Variants in CPNE4 observed in about 807,000 individuals in gnomAD.
CPNE4 encodes the protein copine 4, also known as copine-4.
CPNE4 carries 25 observed loss-of-function variants against 67.9 expected under a neutral mutation model. The observed-to-expected ratio is 0.37, with a 90% CI of 0.27 to 0.51. The LOEUF is 0.51. CPNE4 is among the 20% of genes least tolerant of loss of function. The pLI, the probability that CPNE4 is intolerant of heterozygous loss-of-function variation, is 0.93. For missense variants in CPNE4, 464 were observed against 690.8 expected (o/e 0.67, Z 3.68); for synonymous variants, 242 against 244.9 (o/e 0.99, Z 0.11).
At chr3:131,731,007 A>G (rs937594795) in intron 2 of CPNE4, among the ~76,000 whole-genome samples, 6 of 152,294 alleles carry the variant, frequency 3.9e-5, no homozygotes, top group South Asian at 4.1e-4. Context: ...TCTCCAAAAA[A>G]GCACTCTTCA....
Position 131,970,834 on chromosome 3 carries a change from A to G in CPNE4, c.-2+63733T>C, listed in dbSNP as rs114701445. ...TTGTTACTTCCCATTATTAATGTAG[A>G]TATAGAATGAACGGATCATCAATCT... On this transcript the variant is annotated intron_variant, in intron 1 of 15. Coordinates refer to ENST00000429747, the MANE Select transcript of CPNE4 (RefSeq NM_130808.3). Among the ~76,000 whole-genome samples, 927 of 152,360 alleles carry G rather than the reference A, an allele frequency of 6.1e-3. 7 individuals are homozygous for G. Among genetic ancestry groups the G allele is most frequent in the African/African-American group, 0.021 (894 of 41,588 alleles).
intron 2 of CPNE4, among the ~76,000 whole-genome samples, chr3:131,849,455 G>A (rs991135750): frequency 1.3e-5 from 2 of 151,982 alleles, no homozygotes; most frequent in African/African-American, 4.8e-5. Flanking sequence ...AGAGAAGGGG[G>A]TGATGCTACA....
At chr3:131,836,930 A>G (rs553762648) in intron 2 of CPNE4, among the ~76,000 whole-genome samples, 1 of 152,294 alleles carries the variant, frequency 6.6e-6, no homozygotes, top group South Asian at 2.1e-4. Flanking sequence ...TTAAAAATAC[A>G]CTTCACCAAA....
At chr3:131,632,809 G>C (rs1043905862) in intron 7 of CPNE4, among the ~76,000 whole-genome samples, 1 of 151,970 alleles carries the variant, frequency 6.6e-6, no homozygotes, top group African/African-American at 2.4e-5. Flanking sequence ...TAACATTTCG[G>C]TCCTATAATT....
intron 2 of CPNE4, among the ~76,000 whole-genome samples, chr3:131,781,221 G>A (rs1201440427): frequency 3.9e-5 from 6 of 152,028 alleles, no homozygotes; most frequent in South Asian, 2.1e-4. Flanking sequence ...AGTGAGCAGC[G>A]AAGACATTTC....
chr3:131,546,984 GA>G (rs754127638), intron 14 of CPNE4, among the ~76,000 whole-genome samples: 32 of 151,996 alleles, frequency 2.1e-4, no homozygotes, highest in Non-Finnish European at 4.7e-4. Flanking sequence ...TTCTGGTGCT[GA>G]AAAAAGGTTA....
At chr3:131,545,976 C>G (rs1172583495) in intron 14 of CPNE4, among the ~76,000 whole-genome samples, 2 of 152,090 alleles carry the variant, frequency 1.3e-5, no homozygotes, top group Non-Finnish European at 2.9e-5. Context: ...GCAGGAGAAT[C>G]ATTTGAACTA....
chr3:131,822,391 T>G (rs549076468), intron 2 of CPNE4, among the ~76,000 whole-genome samples: 2 of 152,318 alleles, frequency 1.3e-5, no homozygotes, highest in African/African-American at 4.8e-5. Context: ...TGAACCACTT[T>G]CCAAAGTAAT....
chr3:131,862,549 A>G (rs752519027), intron 2 of CPNE4, among the ~76,000 whole-genome samples: 1 of 152,152 alleles, frequency 6.6e-6, no homozygotes, highest in Non-Finnish European at 1.5e-5. Flanking sequence ...CTTATATGAC[A>G]TTCATTTTGA....
intron 1 of CPNE4, among the ~76,000 whole-genome samples, chr3:131,911,456 G>T (rs1040596716): frequency 3.5e-4 from 53 of 152,138 alleles, no homozygotes; most frequent in African/African-American, 1.2e-3. Context: ...ATAAATGTGT[G>T]CTGTTTTAAG....
At chr3:131,724,644 C>A (rs1039317041) in intron 2 of CPNE4, among the ~76,000 whole-genome samples, 2 of 152,184 alleles carry the variant, frequency 1.3e-5, no homozygotes, top group African/African-American at 2.4e-5. Context: ...AGACTTCCTT[C>A]TGCACAGGGA....
chr3:131,568,539 T>C (rs1307657204), intron 10 of CPNE4, among the ~76,000 whole-genome samples: 1 of 152,064 alleles, frequency 6.6e-6, no homozygotes, highest in East Asian at 1.9e-4. Context: ...CCTGTGGTTC[T>C]GGTATGTGCT....
chr3:131,761,922 C>G (rs1368533552), intron 2 of CPNE4, among the ~76,000 whole-genome samples: 1 of 151,978 alleles, frequency 6.6e-6, no homozygotes, highest in Non-Finnish European at 1.5e-5. Context: ...AATCAGGAGG[C>G]CTTTTTGAGA....
intron 7 of CPNE4, among the ~76,000 whole-genome samples, chr3:131,619,943 T>C (rs994431591): frequency 3.3e-5 from 5 of 152,192 alleles, no homozygotes; most frequent in Admixed American, 3.3e-4. Flanking sequence ...ACTTGACTGA[T>C]TGCAGGAGAA....
chr3:131,972,206 A>T (rs2072521686), intron 1 of CPNE4, among the ~76,000 whole-genome samples: 1 of 152,186 alleles, frequency 6.6e-6, no homozygotes, highest in African/African-American at 2.4e-5. Context: ...CGCTGAAGCC[A>T]ATGAAAATAC....
chr3:131,816,532 A>G (rs1335017587), intron 2 of CPNE4, among the ~76,000 whole-genome samples: 4 of 152,190 alleles, frequency 2.6e-5, no homozygotes, highest in Non-Finnish European at 1.5e-5. Context: ...TTTCTGAGTT[A>G]GATTCGAATC....
intron 7 of CPNE4, among the ~76,000 whole-genome samples, chr3:131,647,635 C>T (rs778412088): frequency 6.6e-6 from 1 of 152,084 alleles, no homozygotes; most frequent in Non-Finnish European, 1.5e-5. Context: ...GTTAGTTGGC[C>T]TAGGTTTGAA....
At chr3:131,868,379 G>A (rs758620106) in intron 2 of CPNE4, among the ~76,000 whole-genome samples, 1 of 152,186 alleles carries the variant, frequency 6.6e-6, no homozygotes, top group Non-Finnish European at 1.5e-5. Context: ...CTGAAATGCA[G>A]ACTGACACGT....
At chr3:131,618,175 G>T (rs1940266634) in intron 7 of CPNE4, among the ~76,000 whole-genome samples, 1 of 152,160 alleles carries the variant, frequency 6.6e-6, no homozygotes, top group African/African-American at 2.4e-5. Flanking sequence ...TACCCAAGGT[G>T]TGGGGGAGTG....
Sources: allele counts gnomAD v4.1 joint callset (sites outside exome capture counted in the v4.1 genomes callset), GRCh38; gene constraint gnomAD v4.1.1; transcripts MANE v1.5; gene names NCBI Gene and HGNC (gene_info 2026-07-23, HGNC 2026-07-21).